MEMO1: variants seen among roughly 807,000 people sequenced by gnomAD.
MEMO1 encodes the protein mediator of cell motility 1.
In MEMO1, 6 loss-of-function variants were observed where a neutral mutation model predicts 45.2. The observed-to-expected ratio is 0.13, with a 90% CI of 0.07 to 0.26. The LOEUF (loss-of-function observed/expected upper bound fraction) is 0.26. Among genes scored for constraint, MEMO1 ranks in the 10% least tolerant of loss-of-function variants. MEMO1 has a pLI of 1.00. For missense variants in MEMO1, 184 were observed against 370.5 expected (o/e 0.50, Z 4.13); for synonymous variants, 78 against 124.3 (o/e 0.63, Z 2.48).
chr2:31,882,449 G>A (rs1675547645), intron 8 of MEMO1, among the ~76,000 whole-genome samples: 2 of 152,114 alleles, frequency 1.3e-5, no homozygotes, highest in African/African-American at 4.8e-5. Flanking sequence ...TATCAATGAT[G>A]TGAGTTTATT....
chr2:31,950,774 A>C (rs536737514), intron 2 of MEMO1, among the ~76,000 whole-genome samples: 1 of 152,242 alleles, frequency 6.6e-6, no homozygotes, highest in Admixed American at 6.5e-5. Flanking sequence ...AATTTAAAAA[A>C]CAAAAAAATA....
chr2:31,868,606 G>C, intron 9 of MEMO1, 114 bp from the exon 10 acceptor site: 2 of 999,468 alleles, frequency 2.0e-6, no homozygotes, highest in Non-Finnish European at 2.7e-6. Context: ...TATCTCTTTT[G>C]CTCTTTTGTT....
chr2:31,953,932 C>T (rs769993690), intron 2 of MEMO1, among the ~76,000 whole-genome samples: 1 of 152,190 alleles, frequency 6.6e-6, no homozygotes, highest in Non-Finnish European at 1.5e-5. Context: ...TAATGTCCCA[C>T]TCCTCAATGA....
intron 2 of MEMO1, among the ~76,000 whole-genome samples, chr2:32,008,798 T>C (rs1674423648): frequency 6.6e-6 from 1 of 152,230 alleles, no homozygotes; most frequent in Admixed American, 6.5e-5. Flanking sequence ...CTCACAATTC[T>C]TTTGTGTCTC....
chr2:31,945,858 G>C (rs1666132491), intron 2 of MEMO1, among the ~76,000 whole-genome samples: 1 of 152,242 alleles, frequency 6.6e-6, no homozygotes, highest in African/African-American at 2.4e-5. Flanking sequence ...GTGAATTTAG[G>C]ACAAACTATG....
chr2:31,927,572 T>C (rs1445333739), intron 4 of MEMO1, among the ~76,000 whole-genome samples: 1 of 152,024 alleles, frequency 6.6e-6, no homozygotes, highest in Admixed American at 6.6e-5. Context: ...ATAGTTGTCT[T>C]TTATTAAGCC....
intron 9 of MEMO1, 140 bp downstream of exon 9, chr2:31,869,708 C>A: frequency 2.5e-6 from 2 of 805,110 alleles, no homozygotes; most frequent in Non-Finnish European, 3.6e-6. Context: ...AGCAATGGAA[C>A]TCCAAATTAT....
At chr2:31,949,292 T>C (rs984972726) in intron 2 of MEMO1, among the ~76,000 whole-genome samples, 2 of 152,164 alleles carry the variant, frequency 1.3e-5, no homozygotes, top group African/African-American at 2.4e-5. Context: ...ATCACTATAT[T>C]GAAGGGATAC....
chr2:31,928,263 C>T (rs1683406297), intron 4 of MEMO1, among the ~76,000 whole-genome samples: 1 of 152,164 alleles, frequency 6.6e-6, no homozygotes. Context: ...AAAATCTTGG[C>T]CAGGAACAGC....
intron 3 of MEMO1, among the ~76,000 whole-genome samples, chr2:31,935,890 T>G (rs1358850972): frequency 6.6e-6 from 1 of 152,168 alleles, no homozygotes. Context: ...AATGAAAATT[T>G]AAGCTCTACA....
In MEMO1 at chr2:31,880,880, C is replaced by T. The variant is rs548001189; in HGVS notation, c.657+2506G>A. Among the ~76,000 whole-genome samples the T allele has an allele frequency of 4.0e-5, 6 of 151,894 alleles. No individual in the cohort carries two copies. The East Asian group carries it at 9.7e-4, about 25-fold the overall frequency. ...AAAAATAAAAATAAAAATAATTAGC[C>T]GGGCGTGGTGGTAAATGTCTATAGT... On this transcript the variant is annotated intron_variant, in intron 8 of 9. Coordinates refer to ENST00000404530, the MANE Select transcript of MEMO1 (RefSeq NM_001301833.4).
chr2:31,889,618 C>CA (rs1414815350), intron 7 of MEMO1, among the ~76,000 whole-genome samples: 2 of 151,926 alleles, frequency 1.3e-5, no homozygotes, highest in Non-Finnish European at 2.9e-5. Flanking sequence ...AGTCAGCATG[C>CA]AAAAGAGAAA....
intron 6 of MEMO1, among the ~76,000 whole-genome samples, chr2:31,894,297 A>G (rs1677394405): frequency 6.6e-6 from 1 of 152,286 alleles, no homozygotes; most frequent in East Asian, 1.9e-4. Context: ...AGCTCCACTG[A>G]GGTATAAGTT....
At chr2:31,964,271 T>C (rs1487290941) in intron 2 of MEMO1, among the ~76,000 whole-genome samples, 1 of 152,136 alleles carries the variant, frequency 6.6e-6, no homozygotes, top group Non-Finnish European at 1.5e-5. Flanking sequence ...CACAGTTTTT[T>C]TTTTAATGCA....
At chr2:32,006,413 T>A (rs1558573927) in intron 2 of MEMO1, among the ~76,000 whole-genome samples, 1 of 152,188 alleles carries the variant, frequency 6.6e-6, no homozygotes, top group Non-Finnish European at 1.5e-5. Flanking sequence ...GAGATCAAAC[T>A]TTGACAACCA....
chr2:31,890,665 C>T (rs1676835630), intron 7 of MEMO1, among the ~76,000 whole-genome samples: 1 of 152,144 alleles, frequency 6.6e-6, no homozygotes, highest in Non-Finnish European at 1.5e-5. Context: ...GGAAGTGCAA[C>T]TACCTGCATA....
At chr2:31,972,831 T>C (rs1669568457) in intron 2 of MEMO1, among the ~76,000 whole-genome samples, 1 of 152,114 alleles carries the variant, frequency 6.6e-6, no homozygotes, top group Admixed American at 6.6e-5. Flanking sequence ...CAACCCAATT[T>C]TAAAATGGGC....
chr2:31,961,806 T>G (rs1668038936), intron 2 of MEMO1, among the ~76,000 whole-genome samples: 1 of 151,988 alleles, frequency 6.6e-6, no homozygotes, highest in African/African-American at 2.4e-5. Flanking sequence ...CCTGGTTAAC[T>G]GTCACAGTAA....
At chr2:31,965,263 G>A (rs1274911570) in intron 2 of MEMO1, among the ~76,000 whole-genome samples, 1 of 151,312 alleles carries the variant, frequency 6.6e-6, no homozygotes, top group Non-Finnish European at 1.5e-5. Flanking sequence ...AAAAAAGGGA[G>A]GGAAGGAAGG....
Sources: allele counts gnomAD v4.1 joint callset (sites outside exome capture counted in the v4.1 genomes callset), GRCh38; gene constraint gnomAD v4.1.1; transcripts MANE v1.5; gene names NCBI Gene and HGNC (gene_info 2026-07-23, HGNC 2026-07-21).